FNBP4: variants seen among roughly 807,000 people sequenced by gnomAD.
FNBP4 encodes formin-binding protein 4.
A neutral mutation model predicts 119.3 loss-of-function variants in FNBP4; 34 were observed. That is an observed-to-expected ratio of 0.28 (90% CI 0.22 to 0.38). FNBP4 has a LOEUF of 0.38. FNBP4 is among the 10% of genes least tolerant of loss of function. The pLI is 1.00. For synonymous variants in FNBP4, 462 were observed against 430.6 expected, an observed-to-expected ratio of 1.07 and a Z score of -0.90; for missense variants, 1,112 against 1,228.9, an observed-to-expected ratio of 0.90 and a Z score of 1.42.
chr11:47,760,163 A>G (rs1176338225), intron 2 of FNBP4, among the ~76,000 whole-genome samples: 12 of 152,146 alleles, frequency 7.9e-5, no homozygotes, highest in Admixed American at 7.2e-4. Context: ...AACTTCTTCT[A>G]AACTCCTAAA....
intron 2 of FNBP4, among the ~76,000 whole-genome samples, chr11:47,763,677 T>C (rs879929507): frequency 1.3e-5 from 2 of 152,046 alleles, no homozygotes; most frequent in African/African-American, 2.4e-5. Context: ...ATTTTCTGTA[T>C]TTTTAATAGA....
At position 47,767,268 on chromosome 11, in the gene FNBP4, C is replaced by T; in HGVS notation, c.21G>A (p.Ala7=). The part of the protein sequence containing the change: MGKKSR[A]VPGRRPILQL... The stretch of plus-strand genomic sequence containing the variant: ...GCAGGATGGGCCTACGGCCGGGTAC[C>T]GCCCGGGACTTCTTCCCCATCGCGA... The change falls in exon 1 of 17, where the codon GCG becomes GCA. Residue 7 remains alanine (A), a synonymous_variant. Transcript: ENST00000263773. The T allele has an allele frequency of 4.5e-6, 7 of 1,542,276 alleles. No homozygotes were observed. Among genetic ancestry groups the T allele is most frequent in the Middle Eastern group, 1.8e-4 (1 of 5,558 alleles).
chr11:47,748,658 A>G (rs947190670), intron 6 of FNBP4, among the ~76,000 whole-genome samples: 8 of 150,726 alleles, frequency 5.3e-5, no homozygotes, highest in Non-Finnish European at 1.0e-4. Context: ...TTATTATTAA[A>G]TTTTTTTTTG....
At chr11:47,752,698 C>A in intron 4 of FNBP4, 1 of 442,356 alleles carries the variant, frequency 2.3e-6, no homozygotes, top group Non-Finnish European at 4.1e-6. Context: ...CCTGTAGTCC[C>A]AGTTACTCAG....
chr11:47,719,922 C>G lies in FNBP4; in HGVS notation c.2963+7G>C, dbSNP rs1565117457. ...CCCCATCTCATCTGTGTTTCCTTTTCTTTTACCTAACCAGCTGCTGCTGTT... is the reference window on the plus strand; with the variant it reads ...CCCCATCTCATCTGTGTTTCCTTTTGTTTTACCTAACCAGCTGCTGCTGTT... On this transcript the variant is annotated splice_region_variant and intron_variant, in intron 16 of 16. Transcript: ENST00000263773. 6.2e-7 allele frequency: 1 copy of G among 1,613,464 alleles called. No homozygotes were observed. Among genetic ancestry groups the G allele is most frequent in the Non-Finnish European group, 8.5e-7 (1 of 1,179,682 alleles).
At position 47,717,326 on chromosome 11, in the gene FNBP4, A is replaced by C; in HGVS notation, c.*96T>G. The C allele has an allele frequency of 2.6e-6, 2 of 782,996 alleles. No homozygotes were observed. The highest frequency in any genetic ancestry group is 2.1e-6 in the Non-Finnish European group (1 of 487,352). The allele number at this position is 782,996 out of a possible 1,614,324, so 48.5% of individuals were successfully genotyped here. A position where few individuals can be genotyped will look rare whatever the true frequency, so the allele number is the denominator to read the frequency against. On this transcript the variant is annotated 3_prime_UTR_variant, in exon 17 of 17. Transcript: ENST00000263773. ...CCAGGAAATTTATAAGATCTCCCCC[A>C]TAACATTTATAGTTTATTTGACAAT...
At chr11:47,764,349 T>C (rs993577707) in intron 2 of FNBP4, among the ~76,000 whole-genome samples, 2 of 152,232 alleles carry the variant, frequency 1.3e-5, no homozygotes, top group African/African-American at 4.8e-5. Context: ...ACCAAAGTGC[T>C]GGGATTACAG....
rs1273582314 is a variant in FNBP4, at chr11:47,752,926, T to G, written c.627A>C (p.Ser209=). ...TSGWQYDTQC[S]LAGVGIEMGD... Reference sequence around the variant, plus strand: ...AAGGATCAAGTTTACCTCCTGCCAGTGAACACTGAGTATCATATTGCCAAC... The same window carrying G: ...AAGGATCAAGTTTACCTCCTGCCAGGGAACACTGAGTATCATATTGCCAAC... The change falls in exon 4 of 17, where the codon TCA becomes TCC. Residue 209 remains serine (S), a synonymous_variant. Transcript: ENST00000263773. The G allele has an allele frequency of 6.2e-7, 1 of 1,611,782 alleles. No individual in the cohort carries two copies.
At chr11:47,724,338 T>G in intron 13 of FNBP4, 130 bp downstream of exon 13, 1 of 1,540,604 alleles carries the variant, frequency 6.5e-7, no homozygotes, top group South Asian at 1.3e-5. Flanking sequence ...TGCTTCGACC[T>G]CCCAAAGGTC....
In FNBP4 at chr11:47,736,081, A is replaced by G. The variant is rs1310769438; in HGVS notation, c.1581+535T>C. Among the ~76,000 whole-genome samples, 7 of 28,554 alleles carry G rather than the reference A, an allele frequency of 2.5e-4. No homozygotes were observed. In the South Asian group the frequency reaches 5.2e-3, roughly 21 times the overall value. The allele number at this position is 28,554 out of a possible 152,430, so 18.7% of individuals were successfully genotyped here. ...AAACAGAGCGAGACTCCGACTCACA[A>G]AAAAAAAACACTTGCCAGGCGTAGT... is the stretch of plus-strand genomic sequence containing the variant. On this transcript the variant is annotated intron_variant, in intron 9 of 16. Transcript: ENST00000263773.
At chr11:47,739,191 C>T (rs1426499586) in intron 8 of FNBP4, among the ~76,000 whole-genome samples, 2 of 152,002 alleles carry the variant, frequency 1.3e-5, no homozygotes, top group Non-Finnish European at 1.5e-5. Flanking sequence ...CTCAGCCTCC[C>T]AGAATGCTGG....
chr11:47,719,053 G>A (rs1178590296), intron 16 of FNBP4, among the ~76,000 whole-genome samples: 1 of 152,042 alleles, frequency 6.6e-6, no homozygotes, highest in East Asian at 1.9e-4. Flanking sequence ...ACCAGGCCCA[G>A]CTAATTTTGT....
intron 2 of FNBP4, among the ~76,000 whole-genome samples, chr11:47,763,821 T>G (rs1251873884): frequency 2.0e-5 from 3 of 152,028 alleles, no homozygotes; most frequent in Non-Finnish European, 4.4e-5. Flanking sequence ...TTTTTAGCAG[T>G]CTTTTTTTGA....
chr11:47,760,461 T>C (rs1052023872), intron 2 of FNBP4, among the ~76,000 whole-genome samples: 1 of 146,882 alleles, frequency 6.8e-6, no homozygotes, highest in African/African-American at 2.5e-5. Context: ...GGAGATGGAG[T>C]CTCACTGTCA....
chr11:47,758,674 A>G (rs1292835130), intron 2 of FNBP4, among the ~76,000 whole-genome samples: 3 of 151,812 alleles, frequency 2.0e-5, no homozygotes, highest in African/African-American at 4.8e-5. Context: ...ATCCTGGCCA[A>G]CATGGTGAAA....
At chr11:47,738,656 A>G (rs1204694963) in intron 8 of FNBP4, among the ~76,000 whole-genome samples, 5 of 152,148 alleles carry the variant, frequency 3.3e-5, no homozygotes, top group Admixed American at 3.3e-4. Context: ...GATTAAAAGT[A>G]AAAATGTAAC....
intron 3 of FNBP4, 104 bp downstream of exon 3, chr11:47,754,424 G>A (rs2097611630): frequency 1.9e-6 from 2 of 1,080,916 alleles, no homozygotes. Context: ...GGGAGAGGGA[G>A]AAAGGAGGAG....
In FNBP4 at chr11:47,723,170, T is replaced by C. The variant is rs1382102295; in HGVS notation, c.2611A>G (p.Ile871Val). 6.2e-6 allele frequency: 10 copies of C among 1,614,140 alleles called. No homozygotes were observed. In the Admixed American group the frequency reaches 8.3e-5, roughly 13 times the overall value. ...ACAGAACATTCTGCATAACTCATAATTGCAGGTGCTGCCGCTAGTCCAAGG... is the reference window on the plus strand; with the variant it reads ...ACAGAACATTCTGCATAACTCATAACTGCAGGTGCTGCCGCTAGTCCAAGG... ...NYLGLAAAPA[I>V]MSYAECSVPI... The change falls in exon 15 of 17, where the codon ATT becomes GTT. Residue 871 changes from isoleucine to valine, a missense_variant. Ile to Val is a conservative substitution (Grantham distance 29). This residue lies in a region of FNBP4 where 826 missense variants were observed against 988.8 expected (regional missense o/e 0.84). Coordinates refer to ENST00000263773, the MANE Select transcript of FNBP4 (RefSeq NM_015308.5).
In FNBP4 at chr11:47,729,681, C is replaced by T. The variant is rs537580341; in HGVS notation, c.2008+1693G>A. The stretch of plus-strand genomic sequence containing the variant: ...TGGGCCACTAACTATGCCTGGCTAA[C>T]TTTTTAAAACAATTTTCTGAAGAGA... On this transcript the variant is annotated intron_variant, in intron 12 of 16. Transcript: ENST00000263773. 7 of 984,104 alleles carry T rather than the reference C, an allele frequency of 7.1e-6. No homozygotes were observed. In the South Asian group the frequency reaches 1.9e-4, roughly 26 times the overall value. 61.0% of individuals were successfully genotyped at this position (984,104 alleles called of 1,614,324 possible).
Sources: allele counts gnomAD v4.1 joint callset (sites outside exome capture counted in the v4.1 genomes callset), GRCh38; gene constraint gnomAD v4.1.1; regional missense constraint gnomAD v4.1.1; transcripts MANE v1.5; gene names NCBI Gene and HGNC (gene_info 2026-07-23, HGNC 2026-07-21).